Variants in MACROD2 observed in about 807,000 individuals in gnomAD.
MACROD2 encodes ADP-ribose glycohydrolase MACROD2.
In MACROD2, 36 loss-of-function variants were observed where a neutral mutation model predicts 70.4. That is an observed-to-expected ratio of 0.51 (90% confidence interval 0.39 to 0.68). MACROD2 has a LOEUF of 0.68. Ranked by LOEUF, MACROD2 falls within the 30% of genes least tolerant of loss-of-function variation. MACROD2 has a pLI of 0.00. For synonymous variants in MACROD2, 172 were observed against 178.8 expected (o/e 0.96, Z 0.30); for missense variants, 496 against 538.4 (o/e 0.92, Z 0.78).
At chr20:15,040,101 A>G in intron 5 of MACROD2, among the ~76,000 whole-genome samples, 1 of 152,252 alleles carries the variant, frequency 6.6e-6, no homozygotes. Context: ...AGGTGATCTC[A>G]TAGCTTTGAA....
At chr20:14,600,476 A>G (rs1405333557) in intron 4 of MACROD2, among the ~76,000 whole-genome samples, 1 of 151,984 alleles carries the variant, frequency 6.6e-6, no homozygotes, top group Non-Finnish European at 1.5e-5. Context: ...ACATTGTAAG[A>G]TATTGCAGAT....
At chr20:14,770,695 ATTTAC>A (rs911602392) in intron 5 of MACROD2, among the ~76,000 whole-genome samples, 3 of 152,064 alleles carry the variant, frequency 2.0e-5, no homozygotes, top group Non-Finnish European at 2.9e-5. Flanking sequence ...CTTGGCATGT[ATTTAC>A]TTGCCTAATT....
At chr20:14,608,758 G>A (rs770184812) in intron 4 of MACROD2, among the ~76,000 whole-genome samples, 17 of 152,088 alleles carry the variant, frequency 1.1e-4, no homozygotes, top group Non-Finnish European at 1.8e-4. Flanking sequence ...AGTGAATGGG[G>A]CTGTAGGAAA....
intron 5 of MACROD2, among the ~76,000 whole-genome samples, chr20:14,883,986 A>G (rs532930496): frequency 6.6e-6 from 1 of 152,334 alleles, no homozygotes; most frequent in South Asian, 2.1e-4. Context: ...ATCTTTAAGT[A>G]TGTAATATAT....
chr20:14,088,787 A>G (rs1393076968), intron 3 of MACROD2, among the ~76,000 whole-genome samples: 1 of 152,178 alleles, frequency 6.6e-6, no homozygotes, highest in Non-Finnish European at 1.5e-5. Flanking sequence ...AATATTTAAT[A>G]CTGTGTATTT....
intron 6 of MACROD2, among the ~76,000 whole-genome samples, chr20:15,270,122 G>T (rs1168101870): frequency 1.3e-5 from 2 of 149,310 alleles, no homozygotes; most frequent in African/African-American, 4.9e-5. Context: ...AGTTAATAAA[G>T]CTCCAGCCTC....
At chr20:15,961,201 T>C (rs1389217027) in intron 12 of MACROD2, among the ~76,000 whole-genome samples, 1 of 152,042 alleles carries the variant, frequency 6.6e-6, no homozygotes, top group East Asian at 1.9e-4. Context: ...CATGGGGGAA[T>C]GGGGGCCCAT....
chr20:14,614,573 C>T (rs931840425), intron 4 of MACROD2, among the ~76,000 whole-genome samples: 1 of 152,106 alleles, frequency 6.6e-6, no homozygotes, highest in African/African-American at 2.4e-5. Context: ...GAGTCCATTA[C>T]TTCTTTTTAT....
chr20:14,211,056 G>C (rs1217738333), intron 3 of MACROD2, among the ~76,000 whole-genome samples: 1 of 152,094 alleles, frequency 6.6e-6, no homozygotes, highest in Non-Finnish European at 1.5e-5. Flanking sequence ...GTCAATCATT[G>C]GTACATTCAT....
intron 8 of MACROD2, among the ~76,000 whole-genome samples, chr20:15,686,747 C>T (rs995700882): frequency 6.6e-6 from 1 of 151,944 alleles, no homozygotes. Context: ...GTGGCGCACG[C>T]CTATAGTCCC....
At chr20:15,273,098 A>C (rs903758282) in intron 6 of MACROD2, among the ~76,000 whole-genome samples, 1 of 152,188 alleles carries the variant, frequency 6.6e-6, no homozygotes, top group Non-Finnish European at 1.5e-5. Context: ...TATTGATCCC[A>C]GGTGTGTCTA....
At chr20:15,464,318 T>C (rs559179845) in intron 7 of MACROD2, among the ~76,000 whole-genome samples, 1 of 152,140 alleles carries the variant, frequency 6.6e-6, no homozygotes, top group South Asian at 2.1e-4. Flanking sequence ...GCCTGACCCA[T>C]CTAACTGGCT....
chr20:15,106,249 T>C (rs1003708680), intron 5 of MACROD2, among the ~76,000 whole-genome samples: 1 of 152,286 alleles, frequency 6.6e-6, no homozygotes, highest in East Asian at 1.9e-4. Flanking sequence ...CTTTAATTTA[T>C]TTATATGTGG....
chr20:15,549,022 C>T lies in MACROD2; in HGVS notation c.645+49175C>T, dbSNP rs2048061228. Reference sequence around the variant, plus strand: ...CTTACTTCATCCTCATGAGAAACCCCAGGCAAAAACTGCCCAGTCAAGCCC... The same window carrying T: ...CTTACTTCATCCTCATGAGAAACCCTAGGCAAAAACTGCCCAGTCAAGCCC... On this transcript the variant is annotated intron_variant, in intron 8 of 17. Transcript: ENST00000684519. Among the ~76,000 whole-genome samples the T allele has an allele frequency of 1.3e-5, 2 of 152,214 alleles. 1 individual carries two copies. Among genetic ancestry groups the T allele is most frequent in the Non-Finnish European group, 2.9e-5 (2 of 68,040 alleles).
chr20:14,271,354 A>G (rs1282003258), intron 3 of MACROD2, among the ~76,000 whole-genome samples: 1 of 152,226 alleles, frequency 6.6e-6, no homozygotes, highest in African/African-American at 2.4e-5. Flanking sequence ...GCTGTTCTGC[A>G]GCCACCGCTG....
intron 5 of MACROD2, among the ~76,000 whole-genome samples, chr20:15,095,861 TTGTGTGTG>T (rs11468899): frequency 7.4e-5 from 11 of 148,468 alleles, no homozygotes; most frequent in Non-Finnish European, 1.2e-4. Flanking sequence ...ACCATGTTGT[TTGTGTGTG>T]TGTGTGTGTG....
At chr20:14,105,303 G>A (rs1231284805) in intron 3 of MACROD2, among the ~76,000 whole-genome samples, 2 of 152,148 alleles carry the variant, frequency 1.3e-5, no homozygotes, top group African/African-American at 4.8e-5. Context: ...CCCATTCCTC[G>A]GCATTGGCTA....
At chr20:15,612,976 A>C (rs1277385122) in intron 8 of MACROD2, among the ~76,000 whole-genome samples, 2 of 152,226 alleles carry the variant, frequency 1.3e-5, no homozygotes, top group Non-Finnish European at 2.9e-5. Flanking sequence ...TGGGCACGGG[A>C]GCCAAGAGAC....
chr20:15,865,470 G>A (rs1329719742), intron 9 of MACROD2, among the ~76,000 whole-genome samples: 3 of 152,018 alleles, frequency 2.0e-5, no homozygotes, highest in Admixed American at 2.0e-4. Context: ...CTTTACATGG[G>A]TAAATCACTA....
Sources: gnomAD v4.1 joint callset for allele counts (sites outside exome capture counted in the v4.1 genomes callset) on GRCh38, gnomAD v4.1.1 for gene constraint, MANE v1.5 for transcripts, NCBI Gene and HGNC (gene_info 2026-07-23, HGNC 2026-07-21) for gene names.